The following OCA2 variants were observed in gnomAD, a reference collection of about 807,000 sequenced individuals.
OCA2 encodes the protein OCA2 melanosomal transmembrane protein.
In OCA2, 77 loss-of-function variants were observed where a neutral mutation model predicts 100.2. That is an observed-to-expected ratio of 0.77 (90% CI 0.64 to 0.93). OCA2 has a LOEUF of 0.93. OCA2 is among the 40% of genes least tolerant of loss of function. The pLI is 0.00. For missense variants in OCA2, 1,062 were observed against 1,089.1 expected, an observed-to-expected ratio of 0.98 and a Z score of 0.35; for synonymous variants, 432 against 439.2, an observed-to-expected ratio of 0.98 and a Z score of 0.21.
chr15:28,033,168 A>T (rs1000758639), intron 2 of OCA2, among the ~76,000 whole-genome samples: 2 of 152,228 alleles, frequency 1.3e-5, no homozygotes, highest in Non-Finnish European at 1.5e-5. Context: ...GGTCACCCTC[A>T]TTAAAGGACA....
chr15:27,958,025 G>A (rs191490902), intron 15 of OCA2, among the ~76,000 whole-genome samples: 11 of 152,266 alleles, frequency 7.2e-5, no homozygotes, highest in African/African-American at 1.4e-4. Flanking sequence ...CATAGCAAGG[G>A]GAACATCACA....
intron 23 of OCA2, among the ~76,000 whole-genome samples, chr15:27,765,989 G>A (rs537546666): frequency 3.9e-5 from 6 of 152,208 alleles, no homozygotes; most frequent in Admixed American, 3.3e-4. Flanking sequence ...GCTGCCCAGC[G>A]GGCCTCAGCC....
At chr15:27,816,242 G>C (rs1040599531) in intron 23 of OCA2, among the ~76,000 whole-genome samples, 2 of 152,162 alleles carry the variant, frequency 1.3e-5, no homozygotes, top group Non-Finnish European at 2.9e-5. Context: ...GGGAGGGACA[G>C]AAGAAGAAAG....
intron 19 of OCA2, among the ~76,000 whole-genome samples, chr15:27,907,607 A>G (rs748348656): frequency 3.9e-5 from 6 of 152,214 alleles, no homozygotes; most frequent in East Asian, 1.9e-4. Context: ...ACAAACCACA[A>G]TCTAACTTGA....
rs530422058 is a variant in OCA2, at chr15:27,972,314, G to A, written c.1504-5492C>T. Among the ~76,000 whole-genome samples, 6 of 152,312 alleles carry A rather than the reference G, an allele frequency of 3.9e-5. No individual in the cohort carries two copies. The East Asian group carries it at 1.2e-3, about 29-fold the overall frequency. On this transcript the variant is annotated intron_variant, in intron 14 of 23. Coordinates refer to ENST00000354638, the MANE Select transcript of OCA2 (RefSeq NM_000275.3). ...GAATTGTGCTGTGATAAACATAAGT[G>A]TGCCGGTGTCTTTTTGATATAATGA...
intron 19 of OCA2, among the ~76,000 whole-genome samples, chr15:27,879,951 C>T (rs928836079): frequency 9.9e-5 from 15 of 152,096 alleles, no homozygotes; most frequent in Non-Finnish European, 2.9e-5. Context: ...AATGGTATTG[C>T]CTAGATTTTC....
intron 23 of OCA2, among the ~76,000 whole-genome samples, chr15:27,792,973 G>T (rs1234469106): frequency 6.6e-6 from 1 of 152,224 alleles, no homozygotes; most frequent in Non-Finnish European, 1.5e-5. Context: ...CAGAGGAGGG[G>T]CGGCCAGGGC....
At chr15:27,904,311 G>A (rs1242269533) in intron 19 of OCA2, among the ~76,000 whole-genome samples, 1 of 152,210 alleles carries the variant, frequency 6.6e-6, no homozygotes, top group African/African-American at 2.4e-5. Context: ...GCTGTTGGCT[G>A]GGAGCGCTGG....
intron 19 of OCA2, among the ~76,000 whole-genome samples, chr15:27,911,850 A>T (rs533274271): frequency 1.3e-5 from 2 of 152,310 alleles, no homozygotes; most frequent in African/African-American, 4.8e-5. Flanking sequence ...TAACATAAAC[A>T]TACTGAAGGC....
intron 2 of OCA2, among the ~76,000 whole-genome samples, chr15:28,033,871 G>A (rs1207268669): frequency 6.6e-6 from 1 of 152,194 alleles, no homozygotes; most frequent in Admixed American, 6.5e-5. Flanking sequence ...GTCACAGTGA[G>A]TGGACCAAAC....
chr15:28,089,093 G>A (rs890320992), intron 1 of OCA2, among the ~76,000 whole-genome samples: 4 of 152,172 alleles, frequency 2.6e-5, no homozygotes, highest in African/African-American at 4.8e-5. Context: ...AGAATTCAGC[G>A]ATATTTCTCC....
intron 19 of OCA2, among the ~76,000 whole-genome samples, chr15:27,878,122 T>C (rs1342372702): frequency 6.6e-6 from 1 of 152,020 alleles, no homozygotes; most frequent in Admixed American, 6.6e-5. Context: ...TGAAATGATA[T>C]AGGTCACTTT....
chr15:27,785,514 A>T (rs1443498152), intron 23 of OCA2, among the ~76,000 whole-genome samples: 3 of 152,222 alleles, frequency 2.0e-5, no homozygotes, highest in Non-Finnish European at 4.4e-5. Flanking sequence ...GGAAATTCAA[A>T]TCAAAACCAC....
intron 19 of OCA2, among the ~76,000 whole-genome samples, chr15:27,899,411 G>A (rs550444243): frequency 2.0e-4 from 31 of 152,288 alleles, no homozygotes; most frequent in Admixed American, 1.0e-3. Flanking sequence ...AGAGGTGGGC[G>A]CAATCCAATC....
At position 28,025,135 on chromosome 15, in the gene OCA2, C is replaced by T. The variant is rs189197921; in HGVS notation, c.516-233G>A. Among the ~76,000 whole-genome samples the T allele has an allele frequency of 4.5e-4, 68 of 152,258 alleles. No homozygotes were observed. The East Asian group carries it at 8.5e-3, about 19-fold the overall frequency. On this transcript the variant is annotated intron_variant, in intron 4 of 23. Coordinates refer to ENST00000354638, the MANE Select transcript of OCA2 (RefSeq NM_000275.3). ...AGAACAAAGTTAACCAAAGTGTTTGCACATAGCTTGTTGTTGGGGAAACTA... is the reference window on the plus strand; with the variant it reads ...AGAACAAAGTTAACCAAAGTGTTTGTACATAGCTTGTTGTTGGGGAAACTA...
intron 23 of OCA2, among the ~76,000 whole-genome samples, chr15:27,759,112 T>C (rs2030626350): frequency 6.6e-6 from 1 of 152,076 alleles, no homozygotes; most frequent in Admixed American, 6.6e-5. Context: ...ACTACAAGTT[T>C]CTCCTCAGAA....
chr15:27,956,634 G>T (rs2040231769), intron 16 of OCA2, among the ~76,000 whole-genome samples: 1 of 152,204 alleles, frequency 6.6e-6, no homozygotes, highest in African/African-American at 2.4e-5. Context: ...TGTGCTTGCT[G>T]CCAAAGTTGG....
intron 21 of OCA2, 61 bp downstream of exon 21, chr15:27,871,093 G>T: frequency 8.1e-7 from 1 of 1,240,526 alleles, no homozygotes; most frequent in Non-Finnish European, 1.2e-6. Flanking sequence ...GGAAGGGAGG[G>T]TGAGCCCCAG....
At chr15:27,971,806 A>C (rs969234778) in intron 14 of OCA2, among the ~76,000 whole-genome samples, 4 of 151,854 alleles carry the variant, frequency 2.6e-5, no homozygotes, top group African/African-American at 9.7e-5. Flanking sequence ...AAACTACATA[A>C]GTATTCATTT....
Sources: gnomAD v4.1 joint callset for allele counts (sites outside exome capture counted in the v4.1 genomes callset) on GRCh38, gnomAD v4.1.1 for gene constraint, MANE v1.5 for transcripts, NCBI Gene and HGNC (gene_info 2026-07-23, HGNC 2026-07-21) for gene names.